The following UNC13C variants were observed in gnomAD, a reference collection of about 807,000 sequenced individuals.
The protein encoded by UNC13C is protein unc-13 homolog C.
UNC13C carries 174 observed loss-of-function variants against 245.4 expected under a neutral mutation model. That is an observed-to-expected ratio of 0.71 (90% CI 0.63 to 0.80). The LOEUF is 0.80. Ranked by LOEUF, UNC13C falls within the 30% of genes least tolerant of loss-of-function variation. The pLI is 0.00. For synonymous variants in UNC13C, 992 were observed against 895.1 expected (o/e 1.11, Z -1.93); for missense variants, 2,829 against 2,602.9 (o/e 1.09, Z -1.89).
rs1458507667 is a variant in UNC13C, at chr15:54,014,031, C to A, written c.1128C>A (p.Pro376=). ...QRDCPNAKPR[P]ILVYFETPQQ... is the part of the protein sequence containing the mutation. The stretch of plus-strand genomic sequence containing the variant: ...ACTGCCCAAATGCAAAGCCTCGACC[C>A]ATACTTGTGTACTTTGAAACCCCTC... The change falls in exon 2 of 33, where the codon CCC becomes CCA. Residue 376 remains proline, a synonymous_variant. Transcript: ENST00000260323. 2 of 1,613,682 alleles carry A rather than the reference C, an allele frequency of 1.2e-6. No individual in the cohort carries two copies. The highest frequency in any genetic ancestry group is 1.7e-6 in the Non-Finnish European group (2 of 1,179,840).
intron 17 of UNC13C, among the ~76,000 whole-genome samples, chr15:54,366,716 C>T (rs2039373163): frequency 6.6e-6 from 1 of 152,046 alleles, no homozygotes; most frequent in Non-Finnish European, 1.5e-5. Context: ...TAAAAAAGAG[C>T]TCTCAGTGAT....
intron 13 of UNC13C, among the ~76,000 whole-genome samples, chr15:54,316,629 G>T (rs1426703918): frequency 6.6e-6 from 1 of 151,872 alleles, no homozygotes; most frequent in African/African-American, 2.4e-5. Flanking sequence ...CATATCCAAA[G>T]CTAATATAGC....
At chr15:53,862,564 A>T in the UNC13C span, among the ~76,000 whole-genome samples, 1 of 152,188 alleles carries the variant, frequency 6.6e-6, no homozygotes, top group East Asian at 1.9e-4. Flanking sequence ...GCAGGGTCTT[A>T]ATAGGTTTGT....
intron 17 of UNC13C, among the ~76,000 whole-genome samples, chr15:54,378,464 T>C (rs2039652681): frequency 6.6e-6 from 1 of 152,106 alleles, no homozygotes. Context: ...AACTTTCATA[T>C]GCATGTCTCT....
In UNC13C at chr15:54,339,159, C is replaced by T. The variant is rs60982342; in HGVS notation, c.4713+670C>T. On this transcript the variant is annotated intron_variant, in intron 17 of 32. Coordinates refer to ENST00000260323, the MANE Select transcript of UNC13C (RefSeq NM_001080534.3). The stretch of plus-strand genomic sequence containing the variant: ...CTGGGATTATAGGCATGAGCCACCA[C>T]GCCTGGCCTATATGTTAATTTATTA... Among the ~76,000 whole-genome samples the T allele has an allele frequency of 4.1e-3, 622 of 152,306 alleles. 26 individuals are homozygous for T. The East Asian group carries it at 0.085, about 21-fold the overall frequency.
chr15:54,295,280 G>A (rs938218401), intron 11 of UNC13C, among the ~76,000 whole-genome samples: 8 of 152,188 alleles, frequency 5.3e-5, no homozygotes, highest in Admixed American at 3.3e-4. Context: ...TCTGTAATAC[G>A]TTAACATATT....
chr15:53,884,211 A>G, the UNC13C span, among the ~76,000 whole-genome samples: 1 of 152,194 alleles, frequency 6.6e-6, no homozygotes, highest in Non-Finnish European at 1.5e-5. Context: ...GTGGAGCAGG[A>G]AGACGAAGGG....
chr15:54,030,196 G>C (rs35409463), intron 2 of UNC13C, among the ~76,000 whole-genome samples: 22,052 of 151,950 alleles, frequency 0.15, 1,794 homozygotes, highest in Admixed American at 0.2. Flanking sequence ...CCCCATGTCC[G>C]TGTCCCAGGC....
intron 4 of UNC13C, among the ~76,000 whole-genome samples, chr15:54,225,374 G>A (rs992976930): frequency 6.6e-6 from 1 of 152,126 alleles, no homozygotes; most frequent in African/African-American, 2.4e-5. Flanking sequence ...AATGAAAATC[G>A]AATTGAATAT....
the UNC13C span, among the ~76,000 whole-genome samples, chr15:53,959,672 T>C: frequency 6.6e-6 from 1 of 152,168 alleles, no homozygotes; most frequent in African/African-American, 2.4e-5. Flanking sequence ...TTCTACTTGA[T>C]AGAGATTTCA....
chr15:54,116,521 A>C (rs529539519), intron 2 of UNC13C, among the ~76,000 whole-genome samples: 15 of 152,322 alleles, frequency 9.8e-5, no homozygotes, highest in Middle Eastern at 3.4e-3. Context: ...GAGTGAGAAC[A>C]TGCAATATTT....
chr15:54,448,426 C>A (rs985054368), intron 19 of UNC13C, among the ~76,000 whole-genome samples: 2 of 151,926 alleles, frequency 1.3e-5, no homozygotes, highest in Non-Finnish European at 2.9e-5. Context: ...TTTGTAGGTC[C>A]CTAAGGACTT....
chr15:54,260,525 T>C (rs2036395614), intron 8 of UNC13C, among the ~76,000 whole-genome samples: 1 of 150,258 alleles, frequency 6.7e-6, no homozygotes, highest in Admixed American at 6.7e-5. Flanking sequence ...TCTATGTGTA[T>C]ACATAGATAT....
At chr15:54,163,089 G>A (rs185543773) in intron 4 of UNC13C, among the ~76,000 whole-genome samples, 1 of 152,230 alleles carries the variant, frequency 6.6e-6, no homozygotes, top group African/African-American at 2.4e-5. Context: ...GTTACCTTAC[G>A]TGGCAAAAGG....
intron 17 of UNC13C, among the ~76,000 whole-genome samples, chr15:54,364,577 C>T (rs937935232): frequency 1.3e-5 from 2 of 152,094 alleles, no homozygotes; most frequent in Non-Finnish European, 2.9e-5. Context: ...GAGCTGATGA[C>T]AGTTTATACT....
chr15:54,279,251 A>G (rs1248318986), intron 10 of UNC13C, among the ~76,000 whole-genome samples: 1 of 152,186 alleles, frequency 6.6e-6, no homozygotes, highest in Non-Finnish European at 1.5e-5. Flanking sequence ...GGAATAACCA[A>G]CATTACTATT....
intron 2 of UNC13C, among the ~76,000 whole-genome samples, chr15:54,031,490 G>A (rs1348247466): frequency 6.6e-5 from 10 of 152,328 alleles, no homozygotes; most frequent in South Asian, 2.1e-4. Flanking sequence ...CCCAAAGGGT[G>A]AAGTAACATT....
At chr15:54,454,590 A>G (rs1168767996) in intron 19 of UNC13C, among the ~76,000 whole-genome samples, 1 of 150,328 alleles carries the variant, frequency 6.7e-6, no homozygotes, top group Non-Finnish European at 1.5e-5. Flanking sequence ...AAACAACAAT[A>G]ACTCCCCATG....
intron 1 of UNC13C, among the ~76,000 whole-genome samples, chr15:54,011,889 A>G (rs1220484899): frequency 3.3e-5 from 5 of 152,208 alleles, no homozygotes; most frequent in Admixed American, 3.3e-4. Flanking sequence ...GATTTCTGAG[A>G]CAATCTGTAG....
Sources: gnomAD v4.1 joint callset for allele counts (sites outside exome capture counted in the v4.1 genomes callset) on GRCh38, gnomAD v4.1.1 for gene constraint, MANE v1.5 for transcripts, NCBI Gene and HGNC (gene_info 2026-07-23, HGNC 2026-07-21) for gene names.